Variants in FAM153A observed in about 807,000 individuals in gnomAD.
FAM153A encodes family with sequence similarity 153 member A, also known as protein FAM153A.
Under a neutral mutation model 48.1 loss-of-function variants are expected in FAM153A, and 12 were observed. The observed-to-expected ratio is 0.25, with a 90% CI of 0.16 to 0.40. The LOEUF (loss-of-function observed/expected upper bound fraction) is 0.40. Ranked by LOEUF, FAM153A falls within the 10% of genes least tolerant of loss-of-function variation. The pLI is 1.00. For synonymous variants in FAM153A, 36 were observed against 118.2 expected, an observed-to-expected ratio of 0.30 and a Z score of 4.51; for missense variants, 111 against 345.8, an observed-to-expected ratio of 0.32 and a Z score of 5.38.
rs887051220 is a variant in FAM153A at position 177,751,448 on chromosome 5, C to T, written c.32-396G>A. 3.8e-5 allele frequency among the ~76,000 whole-genome samples: 5 copies of T among 130,666 alleles called. 1 individual carries two copies. The highest frequency in any genetic ancestry group is 5.9e-5 in the African/African-American group (2 of 33,742). The allele number at this position is 130,666 out of a possible 152,430, so 85.7% of individuals were successfully genotyped here. A position where few individuals can be genotyped will look rare whatever the true frequency, so the allele number is the denominator to read the frequency against. On this transcript the variant is annotated intron_variant, in intron 1 of 20. Transcript: ENST00000614127. ...GTTAAATGGACCTAAAGCCTTAAAA[C>T]GGGTGCTTCCTAAGTGCCACAAAGT...
chr5:177,712,726 C>T (rs964204663), exon 27 of FAM153A: 21 of 151,684 alleles, frequency 1.4e-4, no homozygotes, highest in Non-Finnish European at 5.9e-5. Flanking sequence ...GAGGTGATAA[C>T]ACTACCCCCT....
At chr5:177,754,773 G>T (rs1201697481), upstream of FAM153A, among the ~76,000 whole-genome samples, 1 of 151,910 alleles carries the variant, frequency 6.6e-6, no homozygotes, top group Admixed American at 6.6e-5. Flanking sequence ...TCAGCTGAGG[G>T]TCCTGGCTGT....
chr5:177,723,394 A>T (rs1247797662), exon 21 of FAM153A: 1 of 133,234 alleles, frequency 7.5e-6, no homozygotes, highest in African/African-American at 2.8e-5. Flanking sequence ...AAATATATTT[A>T]AAAAACAGAG....
chr5:177,733,002 AGTGT>A (rs914594804), intron 14 of FAM153A, among the ~76,000 whole-genome samples: 2 of 121,130 alleles, frequency 1.7e-5, no homozygotes, highest in Admixed American at 1.8e-4. Context: ...CTTTTAACAC[AGTGT>A]GTGTGTGCCA....
At chr5:177,764,719 T>G (rs1238644208) in intron 1 of FAM153A, among the ~76,000 whole-genome samples, 1 of 152,018 alleles carries the variant, frequency 6.6e-6, no homozygotes, top group Non-Finnish European at 1.5e-5. Flanking sequence ...AAGTAATGAT[T>G]GCGAGGAACA....
chr5:177,779,158 A>G (rs1769461991), intron 1 of FAM153A, among the ~76,000 whole-genome samples: 1 of 151,566 alleles, frequency 6.6e-6, no homozygotes, highest in African/African-American at 2.4e-5. Context: ...TGACCCATTC[A>G]AGGCAGTTCA....
the FAM153A span, among the ~76,000 whole-genome samples, chr5:177,698,102 TG>T: frequency 1.3e-5 from 2 of 151,664 alleles, no homozygotes; most frequent in Non-Finnish European, 2.9e-5. Flanking sequence ...GTATTAGCAT[TG>T]CAAATATGGC....
the FAM153A span, among the ~76,000 whole-genome samples, chr5:177,696,734 A>G: frequency 6.6e-6 from 1 of 151,088 alleles, no homozygotes; most frequent in Non-Finnish European, 1.5e-5. Flanking sequence ...TGGTGTGATC[A>G]TAGCTCACTA....
downstream of FAM153A, among the ~76,000 whole-genome samples, chr5:177,706,245 A>G (rs60783008): frequency 0.27 from 40,366 of 151,300 alleles, 6,043 homozygotes; most frequent in South Asian, 0.38. Flanking sequence ...CGCCCAGGCT[A>G]GAGTGCAGTG....
In FAM153A at chr5:177,739,107, A is replaced by T. The variant is rs1355804434; in HGVS notation, c.562+6T>A. 3 of 1,612,862 alleles carry T rather than the reference A, an allele frequency of 1.9e-6. No homozygotes were observed. Among genetic ancestry groups the T allele is most frequent in the Non-Finnish European group, 2.5e-6 (3 of 1,179,996 alleles). On this transcript the variant is annotated splice_donor_region_variant and intron_variant, in intron 10 of 20. Coordinates refer to ENST00000614127, the Ensembl canonical transcript of FAM153A. ...CTTAGCAAAAAGGTGATCCCAGAAT[A>T]CATACCGTTGGTTTGGGTGCCTGCG...
In FAM153A at chr5:177,732,580, G is replaced by A. The variant is rs1846659; in HGVS notation, c.761-480C>T. The stretch of plus-strand genomic sequence containing the variant: ...GGCTGGAGTATAATGGTGCCATCTC[G>A]ACCCACCACAACCTGTGCCACCTGG... On this transcript the variant is annotated intron_variant, in intron 14 of 20. Transcript: ENST00000614127. 9.1e-3 allele frequency among the ~76,000 whole-genome samples: 768 copies of A among 84,514 alleles called. 209 individuals carry two copies. Among genetic ancestry groups the A allele is most frequent in the Non-Finnish European group, 0.012 (526 of 42,124 alleles). The allele number at this position is 84,514 out of a possible 152,430, so 55.4% of individuals were successfully genotyped here. A position where few individuals can be genotyped will look rare whatever the true frequency, so the allele number is the denominator to read the frequency against.
Position 177,738,822 on chromosome 5 carries a change from G to A in FAM153A, c.562+291C>T, listed in dbSNP as rs535761728. 4.9e-3 allele frequency among the ~76,000 whole-genome samples: 742 copies of A among 150,736 alleles called. 6 individuals are homozygous for A. The highest frequency in any genetic ancestry group is 7.5e-3 in the Non-Finnish European group (506 of 67,378). ...ATGGAAGCATGCTATCTGGAGAAATGTACACATCCTCCCAAAGACATTCAT... is the reference window on the plus strand; with the variant it reads ...ATGGAAGCATGCTATCTGGAGAAATATACACATCCTCCCAAAGACATTCAT... On this transcript the variant is annotated intron_variant, in intron 10 of 20. Coordinates refer to ENST00000614127, the Ensembl canonical transcript of FAM153A.
downstream of FAM153A, chr5:177,717,348 T>C (rs1335231383): frequency 2.1e-5 from 3 of 145,622 alleles, no homozygotes; most frequent in African/African-American, 8.0e-5. Flanking sequence ...AAATTAAACA[T>C]TTTGAAGGGA....
chr5:177,735,036 G>A (rs1245127064), intron 12 of FAM153A, 103 bp from the exon 15 acceptor site: 8 of 696,320 alleles, frequency 1.1e-5, no homozygotes, highest in African/African-American at 7.9e-5. Flanking sequence ...GCAGGCACAG[G>A]AGAGATGCAG....
Position 177,760,299 on chromosome 5 carries a change from C to T in FAM153A, c.-56-11600G>A, listed in dbSNP as rs1582509028. 4.3e-5 allele frequency among the ~76,000 whole-genome samples: 4 copies of T among 92,672 alleles called. No individual in the cohort carries two copies. In the East Asian group the frequency reaches 1.2e-3, roughly 28 times the overall value. The allele number at this position is 92,672 out of a possible 152,430, so 60.8% of individuals were successfully genotyped here. ...TCGCCCAGGCTGGAGTGCAGTGGCACGATCTCGGCTCACTGCAACCTCTGC... is the reference window on the plus strand; with the variant it reads ...TCGCCCAGGCTGGAGTGCAGTGGCATGATCTCGGCTCACTGCAACCTCTGC... On this transcript the variant is annotated intron_variant, in intron 1 of 8. Coordinates refer to the FAM153A transcript ENST00000393518.
downstream of FAM153A, among the ~76,000 whole-genome samples, chr5:177,705,602 AAAG>A (rs901255285): frequency 2.7e-5 from 4 of 148,160 alleles, no homozygotes; most frequent in African/African-American, 1.0e-4. Context: ...AAATTTAACA[AAAG>A]AAGTGTAAAA....
At chr5:177,762,364 G>A (rs145906620) in intron 1 of FAM153A, among the ~76,000 whole-genome samples, 11,225 of 138,442 alleles carry the variant, frequency 0.081, 940 homozygotes, top group Non-Finnish European at 0.097. Context: ...AGCTGGGGAC[G>A]GGTCAGGGCA....
downstream of FAM153A, among the ~76,000 whole-genome samples, chr5:177,709,719 A>G (rs1387223210): frequency 1.8e-5 from 2 of 108,612 alleles, no homozygotes; most frequent in African/African-American, 7.3e-5. Flanking sequence ...TGCTCGGGCC[A>G]GAGTGCGGTG....
chr5:177,738,923 C>A (rs553404733), intron 10 of FAM153A, among the ~76,000 whole-genome samples, 190 bp downstream of exon 12: 1 of 150,582 alleles, frequency 6.6e-6, no homozygotes, highest in Admixed American at 6.6e-5. Context: ...TAGAATGACA[C>A]GGCAGCTAAC....
Sources: gnomAD v4.1 joint callset for allele counts (sites outside exome capture counted in the v4.1 genomes callset) on GRCh38, gnomAD v4.1.1 for gene constraint, MANE v1.5 for transcripts, NCBI Gene and HGNC (gene_info 2026-07-23, HGNC 2026-07-21) for gene names.